Variants in IDH3G observed in about 807,000 individuals in gnomAD.
The protein encoded by IDH3G is isocitrate dehydrogenase (NAD(+)) 3 non-catalytic subunit gamma.
In IDH3G, 9 loss-of-function variants were observed where a neutral mutation model predicts 26.9. That is an observed-to-expected ratio of 0.34 (90% CI 0.20 to 0.58). The LOEUF (loss-of-function observed/expected upper bound fraction) is 0.58. Ranked by LOEUF, IDH3G falls within the 20% of genes least tolerant of loss-of-function variation. The pLI, the probability that IDH3G is intolerant of heterozygous loss-of-function variation, is 0.85. For missense variants in IDH3G, 250 were observed against 372.8 expected (o/e 0.67, Z 2.71); for synonymous variants, 181 against 160.0 (o/e 1.13, Z -0.99).
At chrX:153,787,196 A>G (rs782754408) in intron 8 of IDH3G, 43 bp from the exon 9 acceptor site, 1 of 1,055,558 alleles carries the variant, frequency 9.5e-7, no homozygotes, top group Non-Finnish European at 1.3e-6. Context: ...GGCCATCGCA[A>G]CAGTCAGCCA....
At position 153,786,427 on chromosome X, in the gene IDH3G, C is replaced by G; in HGVS notation, c.947G>C (p.Ser316Thr). 8.4e-7 allele frequency: 1 copy of G among 1,195,624 alleles called. No homozygotes were observed. The highest frequency in any genetic ancestry group is 1.1e-6 in the Non-Finnish European group (1 of 886,535). Residue 316 changes from serine (S) to threonine (T), a missense_variant, in exon 11 of 13, where the codon AGT becomes ACT. This residue lies in a region of IDH3G where 201 missense variants were observed against 331.3 expected (regional missense o/e 0.61). Transcript: ENST00000217901. The part of the protein sequence containing the change: ...FETATRNTGK[S>T]IANKNIANPT... ...GTTGGCGATGTTCTTATTGGCGATA[C>G]TCTTGCCGGTGTTCCTCGTAGCCTG...
chrX:153,794,197 C>T (rs1557071240), intron 1 of IDH3G, 49 bp downstream of exon 1: 8 of 1,136,799 alleles, frequency 7.0e-6, no homozygotes, highest in South Asian at 2.0e-5. Flanking sequence ...GCTACCCCAC[C>T]GCTCCCCTGC....
In IDH3G at chrX:153,794,255, A is replaced by T; in HGVS notation, c.72T>A (p.Arg24=). ...CTCTTTCCCTGCTCACCTCCCAGGG[A>T]CGGCAGAGAAGGGCTGGCCCGAGCA... ...KAVLGPALLC[R]PWEVLGAHEV... is the part of the protein sequence containing the mutation. Residue 24 remains arginine (R), a synonymous_variant, in exon 1 of 13, where the codon CGT becomes CGA. Coordinates refer to ENST00000217901, the MANE Select transcript of IDH3G (RefSeq NM_004135.4). The T allele has an allele frequency of 8.4e-7, 1 of 1,194,799 alleles. No homozygotes were observed. The highest frequency in any genetic ancestry group is 1.1e-6 in the Non-Finnish European group (1 of 887,178).
intron 5 of IDH3G, 87 bp from the exon 6 acceptor site, chrX:153,788,222 T>C: frequency 1.1e-6 from 1 of 934,392 alleles, no homozygotes. Flanking sequence ...GTCAGAAGAC[T>C]TGGGGAGCAA....
Position 153,794,109 on chromosome X carries a change from A to C in IDH3G, c.81+137T>G, listed in dbSNP as rs781930038. On this transcript the variant is annotated intron_variant, in intron 1 of 12. Transcript: ENST00000217901. ...CCCTCAGTGACAGCGGAGGCGGCCAATCAACCCCGGCGCGAAGCCCTTTCC... is the reference window on the plus strand; with the variant it reads ...CCCTCAGTGACAGCGGAGGCGGCCACTCAACCCCGGCGCGAAGCCCTTTCC... The C allele has an allele frequency of 2.5e-5, 17 of 688,601 alleles. No individual in the cohort carries two copies. In the African/African-American group the frequency reaches 3.6e-4, roughly 15 times the overall value. 56.7% of individuals were successfully genotyped at this position (688,601 alleles called of 1,213,427 possible). A position where few individuals can be genotyped will look rare whatever the true frequency, so the allele number is the denominator to read the frequency against.
Position 153,789,761 on chromosome X carries a change from G to A in IDH3G, c.297C>T (p.Asp99=). ...VHVSSNADEE[D]IRNAIMAIRR... is the part of the protein sequence containing the mutation. ...GGATGGCCATGATGGCATTGCGAATGTCCTCTTCATCAGCATTGGAACTCA... is the reference window on the plus strand; with the variant it reads ...GGATGGCCATGATGGCATTGCGAATATCCTCTTCATCAGCATTGGAACTCA... The change falls in exon 5 of 13, where the codon GAC becomes GAT. Residue 99 remains aspartate, a synonymous_variant. Coordinates refer to ENST00000217901, the MANE Select transcript of IDH3G (RefSeq NM_004135.4). 2 of 1,207,213 alleles carry A rather than the reference G, an allele frequency of 1.7e-6. No individual in the cohort carries two copies. Among genetic ancestry groups the A allele is most frequent in the Non-Finnish European group, 2.2e-6 (2 of 892,586 alleles).
chrX:153,794,142 T>A, intron 1 of IDH3G, 104 bp downstream of exon 1: 1 of 923,089 alleles, frequency 1.1e-6, no homozygotes, highest in Non-Finnish European at 1.4e-6. Flanking sequence ...TCCCCGCCCC[T>A]GGTGGGGCCC....
chrX:153,789,602 A>AAAGC, intron 5 of IDH3G, 110 bp downstream of exon 5: 1 of 510,084 alleles, frequency 2.0e-6, no homozygotes, highest in South Asian at 3.1e-5. Flanking sequence ...AGAAAGCAGG[A>AAAGC]AAGCAAGCAA....
In IDH3G at chrX:153,786,230, T is replaced by C. The variant is rs782771793; in HGVS notation, c.1062A>G (p.Ala354=). 4 of 1,208,122 alleles carry C rather than the reference T, an allele frequency of 3.3e-6. No homozygotes were observed. The highest frequency in any genetic ancestry group is 4.5e-6 in the Non-Finnish European group (4 of 893,060). Residue 354 remains alanine, a synonymous_variant, in exon 12 of 13, where the codon GCA becomes GCG. Coordinates refer to ENST00000217901, the MANE Select transcript of IDH3G (RefSeq NM_004135.4). ...YATSIRKAVL[A]SMDNENMHTP... ...ACCTCACATTCTCATTGTCCATGGA[T>C]GCCAGGACAGCCTTACGGATGGAGG...
At position 153,786,381 on chromosome X, in the gene IDH3G, G is replaced by A. The variant is rs782760666; in HGVS notation, c.993C>T (p.Ala331=). The change falls in exon 11 of 13, where the codon GCC becomes GCT. Residue 331 remains alanine, a synonymous_variant. Coordinates refer to ENST00000217901, the MANE Select transcript of IDH3G (RefSeq NM_004135.4). ...TGAGGTGGTCCAGCATCATGCAGCTGGCCAGCAGGGTGGCCGTGGGGTTGG... is the reference window on the plus strand; with the variant it reads ...TGAGGTGGTCCAGCATCATGCAGCTAGCCAGCAGGGTGGCCGTGGGGTTGG... The part of the protein sequence containing the change: ...NIANPTATLL[A]SCMMLDHLKL... 22 of 1,207,330 alleles carry A rather than the reference G, an allele frequency of 1.8e-5. No individual in the cohort carries two copies. Among genetic ancestry groups the A allele is most frequent in the Non-Finnish European group, 2.5e-5 (22 of 893,475 alleles).
At chrX:153,794,207 C>T in intron 1 of IDH3G, 39 bp downstream of exon 1, 4 of 1,147,264 alleles carry the variant, frequency 3.5e-6, no homozygotes, top group Non-Finnish European at 4.6e-6. Flanking sequence ...CGCTCCCCTG[C>T]GACCGCTGCC....
rs1557069664 is a variant in IDH3G, at chrX:153,788,147, A to G, written c.347-12T>C. On this transcript the variant is annotated splice_polypyrimidine_tract_variant and intron_variant, in intron 5 of 12. Transcript: ENST00000217901. Reference sequence around the variant, plus strand: ...GGTTTCGATGTTGCCTACAAAACACAACACAGGCTTAGTGGCACTGCCCAT... The same window carrying G: ...GGTTTCGATGTTGCCTACAAAACACGACACAGGCTTAGTGGCACTGCCCAT... 1.7e-6 allele frequency: 2 copies of G among 1,210,514 alleles called. No individual in the cohort carries two copies. Among genetic ancestry groups the G allele is most frequent in the East Asian group, 5.9e-5 (2 of 33,837 alleles).
intron 12 of IDH3G, 49 bp downstream of exon 12, chrX:153,786,163 A>AG (rs1557069093): frequency 9.1e-6 from 11 of 1,205,219 alleles, no homozygotes; most frequent in Non-Finnish European, 1.2e-5. Flanking sequence ...AGGAGGCTGC[A>AG]GGGGGAGACT....
At chrX:153,786,506 C>T (rs1242726675) in intron 10 of IDH3G, 57 bp from the exon 11 acceptor site, 5 of 942,958 alleles carry the variant, frequency 5.3e-6, no homozygotes, top group Non-Finnish European at 7.4e-6. Context: ...CGGGCAGTGA[C>T]TCTGCTCCTG....
chrX:153,794,310 G>C lies in IDH3G; in HGVS notation c.17C>G (p.Ala6Gly). Residue 6 changes from alanine (A) to glycine (G), a missense_variant, in exon 1 of 13, where the codon GCG (alanine) becomes GGG (glycine). Transcript: ENST00000217901. ...CTTCGCGGCGCTGCCGGCGACGGTC[G>C]CTACCTTCAGCGCCATGACGGAAAG... is the stretch of plus-strand genomic sequence containing the variant. MALKV[A>G]TVAGSAAKAV... 1 of 1,197,503 alleles carries C rather than the reference G, an allele frequency of 8.4e-7. No individual in the cohort carries two copies. Among genetic ancestry groups the C allele is most frequent in the Non-Finnish European group, 1.1e-6 (1 of 889,985 alleles).
At chrX:153,789,867 G>T in intron 4 of IDH3G, 43 bp from the exon 5 acceptor site, 1 of 897,939 alleles carries the variant, frequency 1.1e-6, no homozygotes, top group Non-Finnish European at 1.6e-6. Flanking sequence ...AGACCCCCCC[G>T]CACCTCCTCC....
intron 5 of IDH3G, among the ~76,000 whole-genome samples, chrX:153,789,416 C>T (rs1455220978): frequency 8.9e-6 from 1 of 112,206 alleles, no homozygotes; most frequent in Admixed American, 9.4e-5. Flanking sequence ...TGGTGGCGGG[C>T]GCCTGTAATC....
At chrX:153,790,329 A>T (rs782706960) in intron 3 of IDH3G, 37 bp from the exon 4 acceptor site, 1 of 1,095,615 alleles carries the variant, frequency 9.1e-7, no homozygotes, top group South Asian at 1.8e-5. Context: ...GCCTTCGGGG[A>T]TCCCACATGC....
At position 153,790,825 on chromosome X, in the gene IDH3G, C is replaced by T. The variant is rs782183961; in HGVS notation, c.108G>A (p.Ser36=). 13 of 1,209,026 alleles carry T rather than the reference C, an allele frequency of 1.1e-5. No homozygotes were observed. Among genetic ancestry groups the T allele is most frequent in the South Asian group, 5.3e-5 (3 of 56,836 alleles). Residue 36 remains serine, a synonymous_variant, in exon 2 of 13, where the codon TCG becomes TCA. Coordinates refer to ENST00000217901, the MANE Select transcript of IDH3G (RefSeq NM_004135.4). The part of the protein sequence containing the change: ...WEVLGAHEVP[S]RNIFSEQTIP... ...AGGTACTTACTGAAAAGATGTTCCTCGAGGGGACCTCGTGGGCGCCTAGAA... is the reference window on the plus strand; with the variant it reads ...AGGTACTTACTGAAAAGATGTTCCTTGAGGGGACCTCGTGGGCGCCTAGAA...
Sources: allele counts gnomAD v4.1 joint callset (sites outside exome capture counted in the v4.1 genomes callset), GRCh38; gene constraint gnomAD v4.1.1; regional missense constraint gnomAD v4.1.1; transcripts MANE v1.5; gene names NCBI Gene and HGNC (gene_info 2026-07-23, HGNC 2026-07-21).